NSUN4: variants seen among roughly 807,000 people sequenced by gnomAD.
NSUN4 encodes the protein 5-cytosine rRNA methyltransferase NSUN4.
Under a neutral mutation model 43.8 loss-of-function variants are expected in NSUN4, and 31 were observed. The ratio of observed to expected loss-of-function variants is 0.71; its 90% CI spans 0.53 to 0.96. The LOEUF is 0.96. Among genes scored for constraint, NSUN4 ranks in the 40% least tolerant of loss-of-function variants. The pLI is 0.00. For missense variants in NSUN4, 439 were observed against 475.6 expected (o/e 0.92, Z 0.72); for synonymous variants, 167 against 184.1 (o/e 0.91, Z 0.75).
At chr1:46,384,035 A>AGTG in the NSUN4 span, among the ~76,000 whole-genome samples, 1 of 152,060 alleles carries the variant, frequency 6.6e-6, no homozygotes, top group Non-Finnish European at 1.5e-5. Context: ...TGATGGGGTG[A>AGTG]GTGGTTTGGC....
chr1:46,352,138 C>A (rs1230853596), intron 3 of NSUN4, among the ~76,000 whole-genome samples: 3 of 147,174 alleles, frequency 2.0e-5, no homozygotes, highest in African/African-American at 7.4e-5. Context: ...GACTCAGAGA[C>A]CCTGTCTTTA....
chr1:46,359,616 T>C (rs1167447679), intron 4 of NSUN4, among the ~76,000 whole-genome samples: 2 of 150,504 alleles, frequency 1.3e-5, no homozygotes, highest in African/African-American at 4.9e-5. Context: ...AATGGCGCGA[T>C]CTTGGCTCAC....
At chr1:46,367,367 A>G (rs1664160143), downstream of NSUN4, among the ~76,000 whole-genome samples, 1 of 152,212 alleles carries the variant, frequency 6.6e-6, no homozygotes, top group Admixed American at 6.5e-5. Flanking sequence ...TTTTACTTAC[A>G]TCATTGTTTC....
In NSUN4 at chr1:46,352,896, G is replaced by A. The variant is rs148532594; in HGVS notation, c.621G>A (p.Pro207=). 7.6e-4 allele frequency: 1,221 copies of A among 1,613,988 alleles called. 1 individual carries two copies. Among genetic ancestry groups the A allele is most frequent in the Non-Finnish European group, 9.1e-4 (1,073 of 1,179,950 alleles). ...CRNLAANDLS[P]SRIARLQKIL... is the part of the protein sequence containing the mutation. ...ATCTTGCTGCCAATGATCTCTCCCC[G>A]TCCCGAATAGCCAGACTACAGAAGA... Residue 207 remains proline, a synonymous_variant, in exon 4 of 6, where the codon CCG becomes CCA. Coordinates refer to ENST00000474844, the MANE Select transcript of NSUN4 (RefSeq NM_199044.4).
At chr1:46,366,573 G>GGGCATGGT (rs539220846), downstream of NSUN4, among the ~76,000 whole-genome samples, 871 of 151,982 alleles carry the variant, frequency 5.7e-3, 5 homozygotes, top group Non-Finnish European at 9.2e-3. Context: ...GGGGTTGGCT[G>GGGCATGGT]GGCATGGTGG....
At chr1:46,375,212 G>A in the NSUN4 span, among the ~76,000 whole-genome samples, 6 of 151,980 alleles carry the variant, frequency 3.9e-5, no homozygotes, top group Admixed American at 1.3e-4. Flanking sequence ...GAGGTGGGTG[G>A]ATCACCTGAG....
downstream of NSUN4, among the ~76,000 whole-genome samples, chr1:46,365,977 A>G (rs1430944593): frequency 6.6e-6 from 1 of 151,910 alleles, no homozygotes; most frequent in Non-Finnish European, 1.5e-5. Flanking sequence ...AAAATGCAAA[A>G]ATTAGCCGGG....
At chr1:46,376,101 A>T in the NSUN4 span, among the ~76,000 whole-genome samples, 1 of 144,772 alleles carries the variant, frequency 6.9e-6, no homozygotes, top group Admixed American at 6.9e-5. Context: ...GAAACTAAAA[A>T]AAAAAAAAAA....
rs1272876735 is a variant in NSUN4, at chr1:46,345,075, G to A, written c.368G>A (p.Trp123Ter). ...GQSAAPSPAS[W>*]ACSPNLRCFT... ...TCTGCAGCCCCATCCCCTGCCTCCT[G>A]GGCCTGCAGTCCGAACCTTCGATGC... Residue 123 changes from tryptophan to a stop codon, truncating the protein, a stop_gained, in exon 2 of 6, where the codon TGG (tryptophan) becomes TAG (stop). Coordinates refer to ENST00000474844, the MANE Select transcript of NSUN4 (RefSeq NM_199044.4). LOFTEE classifies it high-confidence loss of function. 3.1e-6 allele frequency: 5 copies of A among 1,614,012 alleles called. No homozygotes were observed. Among genetic ancestry groups the A allele is most frequent in the Non-Finnish European group, 3.4e-6 (4 of 1,180,026 alleles).
At position 46,362,726 on chromosome 1, in the gene NSUN4, G is replaced by C. The variant is rs1663957641; in HGVS notation, c.*880G>C. On this transcript the variant is annotated 3_prime_UTR_variant, in exon 6 of 6. Transcript: ENST00000474844. ...TAGGAATTTCCTGATGTTTTGTTTTGTTGGATTCCAGACTTTTTGTTGTTT... is the reference window on the plus strand; with the variant it reads ...TAGGAATTTCCTGATGTTTTGTTTTCTTGGATTCCAGACTTTTTGTTGTTT... 1 of 152,010 alleles carries C rather than the reference G, an allele frequency of 6.6e-6. No individual in the cohort carries two copies. Among genetic ancestry groups the C allele is most frequent in the Non-Finnish European group, 1.5e-5 (1 of 68,016 alleles). The allele number at this position is 152,010 out of a possible 1,614,324, so 9.4% of individuals were successfully genotyped here.
intron 4 of NSUN4, among the ~76,000 whole-genome samples, chr1:46,356,609 G>A (rs533563951): frequency 4.6e-5 from 7 of 152,028 alleles, no homozygotes; most frequent in African/African-American, 1.2e-4. Context: ...GGAGAATGGC[G>A]TAAACCCTGT....
At chr1:46,373,564 G>T in the NSUN4 span, among the ~76,000 whole-genome samples, 1,576 of 152,276 alleles carry the variant, frequency 0.01, 31 homozygotes, top group African/African-American at 0.036. Context: ...TGGCAAGGGG[G>T]CTAGAGCATG....
At chr1:46,384,982 G>A in the NSUN4 span, among the ~76,000 whole-genome samples, 1 of 152,108 alleles carries the variant, frequency 6.6e-6, no homozygotes, top group Non-Finnish European at 1.5e-5. Flanking sequence ...TAAAATGTGG[G>A]GACATCAGCA....
Position 46,361,850 on chromosome 1 carries a change from C to T in NSUN4, c.*4C>T. On this transcript the variant is annotated 3_prime_UTR_variant, in exon 6 of 6. Coordinates refer to ENST00000474844, the MANE Select transcript of NSUN4 (RefSeq NM_199044.4). ...CAAAATGCGTAGGCTGACATAGTAT[C>T]ACCCAATCCCTGAAGCAAGAATACA... 6.2e-7 allele frequency: 1 copy of T among 1,612,146 alleles called. No individual in the cohort carries two copies.
rs553815917 is a variant in NSUN4 at position 46,362,903 on chromosome 1, A to C, written c.*1057A>C. On this transcript the variant is annotated 3_prime_UTR_variant, in exon 6 of 6. Transcript: ENST00000474844. ...GCATACTCGATATGTTGTTTTTGTA[A>C]CTTTAGCCAAAAGAAAGTAACCTTT... The C allele has an allele frequency of 5.3e-5, 8 of 152,198 alleles. No individual in the cohort carries two copies. Among genetic ancestry groups the C allele is most frequent in the Non-Finnish European group, 1.2e-4 (8 of 68,002 alleles). 9.4% of individuals were successfully genotyped at this position (152,198 alleles called of 1,614,324 possible).
In NSUN4 at chr1:46,361,680, A is replaced by G. The variant is rs777733888; in HGVS notation, c.989A>G (p.Asn330Ser). 6.8e-6 allele frequency: 11 copies of G among 1,614,092 alleles called. No individual in the cohort carries two copies. Among genetic ancestry groups the G allele is most frequent in the Admixed American group, 1.7e-5 (1 of 60,002 alleles). The change falls in exon 6 of 6, where the codon AAT becomes AGT. Residue 330 changes from asparagine to serine, a missense_variant. Coordinates refer to ENST00000474844, the MANE Select transcript of NSUN4 (RefSeq NM_199044.4). ...VVQGAIELLA[N>S]QYSIQVQVED... Reference sequence around the variant, plus strand: ...CAAGGTGCCATTGAGCTCCTGGCCAATCAATACAGCATCCAGGTACAGGTG... The same window carrying G: ...CAAGGTGCCATTGAGCTCCTGGCCAGTCAATACAGCATCCAGGTACAGGTG...
chr1:46,377,015 C>T, the NSUN4 span, among the ~76,000 whole-genome samples: 140 of 151,750 alleles, frequency 9.2e-4, 1 homozygote, highest in African/African-American at 3.1e-3. Context: ...ACCTCAGCCT[C>T]CCAAAGTGTT....
At chr1:46,368,934 C>A (rs554177129), downstream of NSUN4, among the ~76,000 whole-genome samples, 67 of 152,268 alleles carry the variant, frequency 4.4e-4, no homozygotes, top group Non-Finnish European at 8.5e-4. Context: ...GGATCAAGTC[C>A]AGACTTTTGC....
At chr1:46,375,901 G>A in the NSUN4 span, among the ~76,000 whole-genome samples, 1 of 151,848 alleles carries the variant, frequency 6.6e-6, no homozygotes, top group East Asian at 1.9e-4. Flanking sequence ...GAGGTCGGGA[G>A]TTCAAGACCA....
Sources: allele counts gnomAD v4.1 joint callset (sites outside exome capture counted in the v4.1 genomes callset), GRCh38; gene constraint gnomAD v4.1.1; transcripts MANE v1.5; gene names NCBI Gene and HGNC (gene_info 2026-07-23, HGNC 2026-07-21).